CRKL: variants seen among roughly 807,000 people sequenced by gnomAD.
CRKL encodes the protein crk-like protein.
A neutral mutation model predicts 23.0 loss-of-function variants in CRKL; 3 were observed. The ratio of observed to expected loss-of-function variants is 0.13; its 90% CI spans 0.06 to 0.34. The LOEUF is 0.34. CRKL is among the 10% of genes least tolerant of loss of function. The pLI is 1.00. For synonymous variants in CRKL, 188 were observed against 160.7 expected, an observed-to-expected ratio of 1.17 and a Z score of -1.28; for missense variants, 256 against 394.5, an observed-to-expected ratio of 0.65 and a Z score of 2.97.
At chr22:20,933,706 A>G in intron 1 of CRKL, 73 bp from the exon 2 acceptor site, 2 of 1,174,420 alleles carry the variant, frequency 1.7e-6, no homozygotes, top group Non-Finnish European at 1.2e-6. Context: ...GGAGAGTGGT[A>G]TATTAAGAAG....
At chr22:20,939,873 C>T (rs1048429407) in intron 2 of CRKL, among the ~76,000 whole-genome samples, 3 of 150,674 alleles carry the variant, frequency 2.0e-5, no homozygotes, top group Non-Finnish European at 4.4e-5. Flanking sequence ...ACTGCACCCT[C>T]TACCTCCCAG....
In CRKL at chr22:20,917,543, G is replaced by T. The variant is rs1929734495; in HGVS notation, c.-392G>T. On this transcript the variant is annotated 5_prime_UTR_variant, in exon 1 of 3. Transcript: ENST00000354336. ...GACGCTCCTTCGAGTTCGGTGCCTCGTGTGACGGCGGGGGTCGGTGAAGAC... is the reference window on the plus strand; with the variant it reads ...GACGCTCCTTCGAGTTCGGTGCCTCTTGTGACGGCGGGGGTCGGTGAAGAC... The T allele has an allele frequency of 7.2e-6, 2 of 278,298 alleles. No individual in the cohort carries two copies. The highest frequency in any genetic ancestry group is 1.3e-5 in the Non-Finnish European group (2 of 148,780). The allele number at this position is 278,298 out of a possible 1,614,324, so 17.2% of individuals were successfully genotyped here.
chr22:20,921,400 C>T (rs1309914477), intron 1 of CRKL, among the ~76,000 whole-genome samples: 2 of 151,842 alleles, frequency 1.3e-5, no homozygotes, highest in Non-Finnish European at 2.9e-5. Flanking sequence ...CAGTGTAACC[C>T]AGTGTAGGTA....
At chr22:20,939,510 T>G (rs1921786907) in intron 2 of CRKL, among the ~76,000 whole-genome samples, 1 of 152,046 alleles carries the variant, frequency 6.6e-6, no homozygotes. Flanking sequence ...CCTCCCAAAA[T>G]GCTGGGATTA....
chr22:20,933,896 C>T lies in CRKL; in HGVS notation c.429C>T (p.Pro143=), dbSNP rs746144085. Residue 143 remains proline (P), a synonymous_variant, in exon 2 of 3, where the codon CCC becomes CCT. Coordinates refer to ENST00000354336, the MANE Select transcript of CRKL (RefSeq NM_005207.4). ...DFPGNDAEDL[P]FKKGEILVII... ...CTGGGAATGATGCCGAAGACCTGCCCTTTAAAAAGGGTGAGATCCTAGTGA... is the reference window on the plus strand; with the variant it reads ...CTGGGAATGATGCCGAAGACCTGCCTTTTAAAAAGGGTGAGATCCTAGTGA... 1 of 1,614,006 alleles carries T rather than the reference C, an allele frequency of 6.2e-7. No homozygotes were observed. Among genetic ancestry groups the T allele is most frequent in the Non-Finnish European group, 8.5e-7 (1 of 1,180,036 alleles).
At chr22:20,942,439 T>C (rs981581106) in intron 2 of CRKL, among the ~76,000 whole-genome samples, 4 of 152,228 alleles carry the variant, frequency 2.6e-5, no homozygotes, top group Non-Finnish European at 5.9e-5. Flanking sequence ...TCCATTGTTA[T>C]GTATATATCA....
rs970187632 is a variant in CRKL, at chr22:20,951,214, C to T, written c.*1369C>T. On this transcript the variant is annotated 3_prime_UTR_variant, in exon 3 of 3. Transcript: ENST00000354336. ...AGACCTCCGTGCCCAGGCCCAATCT[C>T]GTCAGGCTGCCAGAGAAAGTTGGTG... 2 of 232,386 alleles carry T rather than the reference C, an allele frequency of 8.6e-6. No homozygotes were observed. Among genetic ancestry groups the T allele is most frequent in the East Asian group, 6.1e-5 (1 of 16,488 alleles). The allele number at this position is 232,386 out of a possible 1,614,324, so 14.4% of individuals were successfully genotyped here. A position where few individuals can be genotyped will look rare whatever the true frequency, so the allele number is the denominator to read the frequency against.
At chr22:20,949,136 G>A (rs1271943741) in intron 2 of CRKL, among the ~76,000 whole-genome samples, 1 of 151,892 alleles carries the variant, frequency 6.6e-6, no homozygotes, top group Admixed American at 6.6e-5. Flanking sequence ...TTTGATTTTT[G>A]TTTTTTTGAG....
chr22:20,924,853 C>G (rs1381525084), intron 1 of CRKL, among the ~76,000 whole-genome samples: 1 of 151,624 alleles, frequency 6.6e-6, no homozygotes, highest in Non-Finnish European at 1.5e-5. Flanking sequence ...AAACAAAAAA[C>G]AAGAACACTG....
intron 2 of CRKL, among the ~76,000 whole-genome samples, chr22:20,934,518 G>T (rs1921579725): frequency 6.6e-6 from 1 of 152,100 alleles, no homozygotes; most frequent in African/African-American, 2.4e-5. Flanking sequence ...TTACAGATGT[G>T]AGCCACCATG....
intron 2 of CRKL, among the ~76,000 whole-genome samples, chr22:20,944,250 A>G (rs571680372): frequency 2.4e-4 from 37 of 151,344 alleles, no homozygotes; most frequent in African/African-American, 8.5e-4. Flanking sequence ...CAGCCTCCCA[A>G]AGTGCTGGCA....
At position 20,922,368 on chromosome 22, in the gene CRKL, T is replaced by G. The variant is rs117829705; in HGVS notation, c.311+4123T>G. 2.6e-5 allele frequency among the ~76,000 whole-genome samples: 4 copies of G among 152,088 alleles called. No homozygotes were observed. The East Asian group carries it at 7.7e-4, about 29-fold the overall frequency. On this transcript the variant is annotated intron_variant, in intron 1 of 2. Coordinates refer to ENST00000354336, the MANE Select transcript of CRKL (RefSeq NM_005207.4). ...GAAAGGGGGACATATAAAATGAGTT[T>G]GGAGATAAAGATCAGGGTCAGGAAT...
intron 2 of CRKL, among the ~76,000 whole-genome samples, chr22:20,940,094 A>G (rs1006923706): frequency 5.9e-5 from 9 of 152,168 alleles, no homozygotes; most frequent in African/African-American, 1.9e-4. Context: ...CCAGCCTCTG[A>G]ATCTTTTAAA....
At chr22:20,933,731 G>GCTTAGAGTAAGATTTTTCT in intron 1 of CRKL, 48 bp from the exon 2 acceptor site, 2 of 1,484,894 alleles carry the variant, frequency 1.3e-6, no homozygotes, top group Non-Finnish European at 1.8e-6. Context: ...ACAGGCACTG[G>GCTTAGAGTAAGATTTTTCT]CTTAGAGTAA....
In CRKL at chr22:20,950,354, G is replaced by A. The variant is rs1922223917; in HGVS notation, c.*509G>A. On this transcript the variant is annotated 3_prime_UTR_variant, in exon 3 of 3. Transcript: ENST00000354336. ...TTTTTTTTTTCTTTTGTTTTGGTTTGGTTTTGGAAAACTAATTAATTAGAC... is the reference window on the plus strand; with the variant it reads ...TTTTTTTTTTCTTTTGTTTTGGTTTAGTTTTGGAAAACTAATTAATTAGAC... 1 of 231,652 alleles carries A rather than the reference G, an allele frequency of 4.3e-6. No homozygotes were observed. The highest frequency in any genetic ancestry group is 1.8e-4 in the South Asian group (1 of 5,482). 14.3% of individuals were successfully genotyped at this position (231,652 alleles called of 1,614,324 possible).
intron 1 of CRKL, among the ~76,000 whole-genome samples, chr22:20,927,128 A>AAG (rs1555918904): frequency 1.6e-5 from 2 of 125,820 alleles, no homozygotes; most frequent in Non-Finnish European, 3.3e-5. Context: ...AAAAAAAAAA[A>AAG]AAAAAAAAGA....
At position 20,952,140 on chromosome 22, in the gene CRKL, AG is replaced by A; in HGVS notation, c.*2297del. 1 of 227,392 alleles carries A rather than the reference AG, an allele frequency of 4.4e-6. No homozygotes were observed. Among genetic ancestry groups the A allele is most frequent in the Non-Finnish European group, 8.7e-6 (1 of 115,328 alleles). 14.1% of individuals were successfully genotyped at this position (227,392 alleles called of 1,614,324 possible). A position where few individuals can be genotyped will look rare whatever the true frequency, so the allele number is the denominator to read the frequency against. On this transcript the variant is annotated 3_prime_UTR_variant, in exon 3 of 3. Transcript: ENST00000354336. ...GAGGGAGGAATGTGTGCCTTGTTCAAGGAGGGCACGACCCTTAGGCCTTTTT... is the reference window on the plus strand; with the variant it reads ...GAGGGAGGAATGTGTGCCTTGTTCAAGAGGGCACGACCCTTAGGCCTTTTT...
intron 1 of CRKL, among the ~76,000 whole-genome samples, chr22:20,923,888 A>T (rs948388928): frequency 1.1e-4 from 17 of 151,978 alleles, no homozygotes; most frequent in Non-Finnish European, 2.1e-4. Context: ...ACTAAAAAAA[A>T]AAAAAATGTA....
At chr22:20,948,374 T>C (rs1922147459) in intron 2 of CRKL, among the ~76,000 whole-genome samples, 1 of 152,138 alleles carries the variant, frequency 6.6e-6, no homozygotes, top group Non-Finnish European at 1.5e-5. Flanking sequence ...TATACAGTGT[T>C]GTGCTTCTCA....
Sources: allele counts gnomAD v4.1 joint callset (sites outside exome capture counted in the v4.1 genomes callset), GRCh38; gene constraint gnomAD v4.1.1; transcripts MANE v1.5; gene names NCBI Gene and HGNC (gene_info 2026-07-23, HGNC 2026-07-21).